Variants in COG5 observed in about 807,000 individuals in gnomAD.
COG5 encodes the protein component of oligomeric golgi complex 5, also known as conserved oligomeric Golgi complex subunit 5.
A neutral mutation model predicts 110.4 loss-of-function variants in COG5; 86 were observed. The ratio of observed to expected loss-of-function variants is 0.78; its 90% CI spans 0.65 to 0.93. The LOEUF (loss-of-function observed/expected upper bound fraction) is 0.93. COG5 is among the 40% of genes least tolerant of loss of function. The pLI, the probability that COG5 is intolerant of heterozygous loss-of-function variation, is 0.00. For synonymous variants in COG5, 360 were observed against 334.6 expected, an observed-to-expected ratio of 1.08 and a Z score of -0.83; for missense variants, 1,077 against 987.0, an observed-to-expected ratio of 1.09 and a Z score of -1.22.
intron 5 of COG5, among the ~76,000 whole-genome samples, chr7:107,540,614 A>T (rs1459760111): frequency 5.0e-5 from 7 of 140,068 alleles, no homozygotes; most frequent in Admixed American, 7.0e-5. Context: ...AAAATTAAAT[A>T]AAAAAAAAAA....
At chr7:107,503,710 T>G (rs1338202495) in intron 6 of COG5, among the ~76,000 whole-genome samples, 1 of 152,216 alleles carries the variant, frequency 6.6e-6, no homozygotes, top group African/African-American at 2.4e-5. Context: ...GTAGAGATCT[T>G]TCACCTCCTT....
At chr7:107,248,098 A>G (rs1022043092) in intron 17 of COG5, among the ~76,000 whole-genome samples, 6 of 152,230 alleles carry the variant, frequency 3.9e-5, no homozygotes, top group Non-Finnish European at 5.9e-5. Flanking sequence ...CTGAAGTACC[A>G]GGCTAAGTCC....
intron 7 of COG5, 42 bp downstream of exon 7, chr7:107,412,460 T>C (rs1792371414): frequency 1.3e-6 from 2 of 1,590,362 alleles, no homozygotes; most frequent in South Asian, 1.1e-5. Context: ...ACCTGTATTA[T>C]GACACATTTT....
intron 7 of COG5, among the ~76,000 whole-genome samples, chr7:107,373,747 G>A (rs960292979): frequency 1.3e-5 from 2 of 152,100 alleles, no homozygotes; most frequent in Non-Finnish European, 1.5e-5. Context: ...TTGAGACACT[G>A]ACATATATTT....
intron 6 of COG5, chr7:107,475,283 C>T: frequency 6.3e-7 from 1 of 1,594,262 alleles, no homozygotes; most frequent in Non-Finnish European, 8.5e-7. Flanking sequence ...TGGATAGATC[C>T]TAAAAGAAAC....
In COG5 at chr7:107,359,802, G is replaced by C. The variant is rs1214088362; in HGVS notation, c.1026+2231C>G. On this transcript the variant is annotated intron_variant, in intron 10 of 21. Transcript: ENST00000297135. The stretch of plus-strand genomic sequence containing the variant: ...CAGCAGATACAAGCTAAGCACTCTG[G>C]GTCTCCTCTCTGCTGAGGGCCACAC... Among the ~76,000 whole-genome samples, 3 of 152,152 alleles carry C rather than the reference G, an allele frequency of 2.0e-5. No homozygotes were observed. The South Asian group carries it at 6.2e-4, about 32-fold the overall frequency.
intron 6 of COG5, among the ~76,000 whole-genome samples, chr7:107,481,700 T>C (rs1000542051): frequency 1.3e-5 from 2 of 152,160 alleles, no homozygotes; most frequent in African/African-American, 4.8e-5. Flanking sequence ...AAAGTCTCAC[T>C]CTCAATTCTT....
chr7:107,339,192 A>C (rs954361014), intron 10 of COG5, among the ~76,000 whole-genome samples: 8 of 152,098 alleles, frequency 5.3e-5, no homozygotes, highest in African/African-American at 1.9e-4. Context: ...GATCACACAA[A>C]TGGAAAATAA....
chr7:107,271,499 T>C (rs1804268330), intron 14 of COG5, among the ~76,000 whole-genome samples: 2 of 152,272 alleles, frequency 1.3e-5, no homozygotes, highest in Non-Finnish European at 2.9e-5. Context: ...GTCTTGCCCA[T>C]ATTTTGCCAA....
chr7:107,316,498 C>T (rs1236764607), intron 11 of COG5, among the ~76,000 whole-genome samples: 1 of 151,788 alleles, frequency 6.6e-6, no homozygotes, highest in Non-Finnish European at 1.5e-5. Context: ...GTGGAGAATA[C>T]TGAAGGTTTG....
rs112610684 is a variant in COG5, at chr7:107,540,338, C to G, written c.417+7773G>C. Reference sequence around the variant, plus strand: ...CTGCAATCCCAGCATTTTGGGAGGCCAGGTAGGAGTATCACTTGAGGCCAG... The same window carrying G: ...CTGCAATCCCAGCATTTTGGGAGGCGAGGTAGGAGTATCACTTGAGGCCAG... On this transcript the variant is annotated intron_variant, in intron 5 of 21. Transcript: ENST00000297135. Among the ~76,000 whole-genome samples the G allele has an allele frequency of 6.9e-3, 1,046 of 151,070 alleles. 7 individuals are homozygous for G. The highest frequency in any genetic ancestry group is 0.024 in the African/African-American group (995 of 41,168).
rs753804618 is a variant in COG5 at position 107,554,334 on chromosome 7, T to C, written c.243A>G (p.Ala81=). 6.2e-7 allele frequency: 1 copy of C among 1,613,948 alleles called. No homozygotes were observed. The highest frequency in any genetic ancestry group is 8.5e-7 in the Non-Finnish European group (1 of 1,179,826). ...LDRELHLQVV[A]RHEDLLAQAT... ...CTTGTGCCAGTAAATCTTCATGTCT[T>C]GCAACAACCTGAAAATCAAAAATAA... The change falls in exon 3 of 22, where the codon GCA becomes GCG. Residue 81 remains alanine (A), a synonymous_variant. Coordinates refer to ENST00000297135, the MANE Select transcript of COG5 (RefSeq NM_006348.5).
chr7:107,397,038 A>C (rs1791066430), intron 7 of COG5, among the ~76,000 whole-genome samples: 1 of 152,152 alleles, frequency 6.6e-6, no homozygotes, highest in Non-Finnish European at 1.5e-5. Flanking sequence ...CTTGATAAAA[A>C]CCTAATTTTC....
At chr7:107,219,532 C>A (rs540545348) in intron 19 of COG5, among the ~76,000 whole-genome samples, 2 of 152,308 alleles carry the variant, frequency 1.3e-5, no homozygotes, top group East Asian at 1.9e-4. Context: ...TGTCATTCGA[C>A]AACACGGATG....
At chr7:107,383,035 AATAGGATGCGC>A (rs1815261156) in intron 7 of COG5, among the ~76,000 whole-genome samples, 1 of 152,146 alleles carries the variant, frequency 6.6e-6, no homozygotes, top group African/African-American at 2.4e-5. Context: ...GATGGGAATA[AATAGGATGCGC>A]ATCACTCAGA....
At chr7:107,394,163 C>A (rs528307060) in intron 7 of COG5, among the ~76,000 whole-genome samples, 48 of 152,034 alleles carry the variant, frequency 3.2e-4, no homozygotes, top group Admixed American at 2.8e-3. Flanking sequence ...CAGGGTTTCA[C>A]TGTGTTAGCC....
rs144699814 is a variant in COG5 at position 107,435,153 on chromosome 7, G to A, written c.539-22521C>T. 2.2e-3 allele frequency among the ~76,000 whole-genome samples: 333 copies of A among 152,156 alleles called. 5 individuals are homozygous for A. The highest frequency in any genetic ancestry group is 0.02 in the Admixed American group (303 of 15,274). On this transcript the variant is annotated intron_variant, in intron 6 of 21. Coordinates refer to ENST00000297135, the MANE Select transcript of COG5 (RefSeq NM_006348.5). ...GAATGGTGGTTGCCAGCAGGTGGGG[G>A]AGAGGAAAATTAAGAGCTGTTAAAT... is the stretch of plus-strand genomic sequence containing the variant.
At chr7:107,348,628 C>T (rs1185763062) in intron 10 of COG5, among the ~76,000 whole-genome samples, 1 of 152,004 alleles carries the variant, frequency 6.6e-6, no homozygotes, top group Non-Finnish European at 1.5e-5. Context: ...TTTGAATTTA[C>T]AGAAAATATG....
intron 5 of COG5, among the ~76,000 whole-genome samples, chr7:107,538,503 G>T (rs1286785061): frequency 6.6e-6 from 1 of 152,026 alleles, no homozygotes; most frequent in Non-Finnish European, 1.5e-5. Flanking sequence ...ATCACTATTT[G>T]TGTGTCTGCG....
Sources: allele counts gnomAD v4.1 joint callset (sites outside exome capture counted in the v4.1 genomes callset), GRCh38; gene constraint gnomAD v4.1.1; transcripts MANE v1.5; gene names NCBI Gene and HGNC (gene_info 2026-07-23, HGNC 2026-07-21).